ZBTB20: variants seen among roughly 807,000 people sequenced by gnomAD.
ZBTB20 encodes the protein zinc finger and BTB domain-containing protein 20.
A neutral mutation model predicts 56.9 loss-of-function variants in ZBTB20; 9 were observed. That is an observed-to-expected ratio of 0.16 (90% CI 0.10 to 0.28). The LOEUF (loss-of-function observed/expected upper bound fraction) is 0.28, where lower values mean the gene tolerates loss of function less well. ZBTB20 is among the 10% of genes least tolerant of loss of function. The pLI, the probability that ZBTB20 is intolerant of heterozygous loss-of-function variation, is 1.00. For missense variants in ZBTB20, 655 were observed against 1,003.0 expected, an observed-to-expected ratio of 0.65 and a Z score of 4.69; for synonymous variants, 417 against 420.7, an observed-to-expected ratio of 0.99 and a Z score of 0.11.
chr3:114,416,693 C>T (rs1349371236), intron 7 of ZBTB20, among the ~76,000 whole-genome samples: 1 of 152,000 alleles, frequency 6.6e-6, no homozygotes, highest in South Asian at 2.1e-4. Context: ...GGCAGCTGTC[C>T]TTACTGCACA....
rs969564299 is a variant in ZBTB20 at position 114,336,560 on chromosome 3, G to C, written c.*2445C>G. 1 of 151,980 alleles carries C rather than the reference G, an allele frequency of 6.6e-6. No individual in the cohort carries two copies. Among genetic ancestry groups the C allele is most frequent in the African/African-American group, 2.4e-5 (1 of 41,370 alleles). 9.4% of individuals were successfully genotyped at this position (151,980 alleles called of 1,614,324 possible). A position where few individuals can be genotyped will look rare whatever the true frequency, so the allele number is the denominator to read the frequency against. ...ATATCCACTGAATTAAGCACTGTGG[G>C]ACCAAATCAAACTCACAAACACTTC... is the stretch of plus-strand genomic sequence containing the variant. On this transcript the variant is annotated 3_prime_UTR_variant, in exon 12 of 12. Coordinates refer to ENST00000675478, the MANE Select transcript of ZBTB20 (RefSeq NM_001348800.3).
At chr3:114,992,238 C>G (rs1421708783) in intron 2 of ZBTB20, among the ~76,000 whole-genome samples, 1 of 151,904 alleles carries the variant, frequency 6.6e-6, no homozygotes, top group Non-Finnish European at 1.5e-5. Flanking sequence ...ATGTCAGCAA[C>G]TGAAAAATTA....
rs542233978 is a variant in ZBTB20, at chr3:114,544,140, T to G, written c.-294-43749A>C. The stretch of plus-strand genomic sequence containing the variant: ...CTGTAGTTAGACTTACTGGATTTGG[T>G]CATAAAGATAAATTAAATATAAAGC... On this transcript the variant is annotated intron_variant, in intron 6 of 11. Transcript: ENST00000675478. 4.6e-5 allele frequency among the ~76,000 whole-genome samples: 7 copies of G among 152,306 alleles called. No individual in the cohort carries two copies. The East Asian group carries it at 1.3e-3, about 29-fold the overall frequency.
intron 7 of ZBTB20, among the ~76,000 whole-genome samples, chr3:114,408,922 GCGCTCGTC>G (rs1408635057): frequency 2.0e-5 from 3 of 152,066 alleles, no homozygotes; most frequent in Admixed American, 2.0e-4. Flanking sequence ...TGGGAGAGCA[GCGCTCGTC>G]CGCCGTCCGC....
At position 114,622,612 on chromosome 3, in the gene ZBTB20, T is replaced by A. The variant is rs576498848; in HGVS notation, c.-295+70916A>T. ...GTCTCTATAGGAAACTTGGGCTATATGAGCATGTATGAGTTCTGTGGTTAA... is the reference window on the plus strand; with the variant it reads ...GTCTCTATAGGAAACTTGGGCTATAAGAGCATGTATGAGTTCTGTGGTTAA... On this transcript the variant is annotated intron_variant, in intron 6 of 11. Transcript: ENST00000675478. Among the ~76,000 whole-genome samples the A allele has an allele frequency of 5.3e-4, 81 of 152,298 alleles. 1 individual carries two copies. Among genetic ancestry groups the A allele is most frequent in the African/African-American group, 1.9e-3 (80 of 41,562 alleles).
intron 6 of ZBTB20, among the ~76,000 whole-genome samples, chr3:114,547,028 C>T (rs2049975930): frequency 6.6e-6 from 1 of 152,110 alleles, no homozygotes; most frequent in Non-Finnish European, 1.5e-5. Flanking sequence ...CATGGGGATG[C>T]ATGAGGAACC....
chr3:114,669,361 A>G (rs567152010), intron 6 of ZBTB20, among the ~76,000 whole-genome samples: 1 of 152,230 alleles, frequency 6.6e-6, no homozygotes, highest in East Asian at 1.9e-4. Flanking sequence ...TAACAGTTAA[A>G]GAAGACACCT....
intron 4 of ZBTB20, among the ~76,000 whole-genome samples, chr3:114,806,098 T>C (rs1444130940): frequency 6.6e-6 from 1 of 151,894 alleles, no homozygotes; most frequent in African/African-American, 2.4e-5. Context: ...ATATTTTTTT[T>C]CCTCTTAGAT....
At chr3:114,753,699 G>A (rs1454367148) in intron 5 of ZBTB20, among the ~76,000 whole-genome samples, 1 of 151,892 alleles carries the variant, frequency 6.6e-6, no homozygotes, top group Non-Finnish European at 1.5e-5. Flanking sequence ...CTTCCAAAGT[G>A]CTGAGATTAC....
intron 3 of ZBTB20, among the ~76,000 whole-genome samples, chr3:114,949,694 G>A (rs2076997863): frequency 6.8e-6 from 1 of 146,296 alleles, no homozygotes; most frequent in Non-Finnish European, 1.5e-5. Flanking sequence ...CTTGAACTCA[G>A]GAGGCAAATT....
At chr3:114,416,467 T>A (rs182116030) in intron 7 of ZBTB20, among the ~76,000 whole-genome samples, 1 of 152,096 alleles carries the variant, frequency 6.6e-6, no homozygotes, top group Non-Finnish European at 1.5e-5. Context: ...GGTTTTGTTT[T>A]GTTTTGGTTT....
At chr3:114,407,760 G>C (rs1013149194) in intron 7 of ZBTB20, among the ~76,000 whole-genome samples, 2 of 152,140 alleles carry the variant, frequency 1.3e-5, no homozygotes, top group Non-Finnish European at 2.9e-5. Context: ...TCTCCAAAAG[G>C]AGAAGTCAGA....
chr3:114,350,853 G>T lies in ZBTB20; in HGVS notation c.1225C>A (p.Pro409Thr), dbSNP rs530271220. The part of the protein sequence containing the change: ...ARDSQAEPTQ[P>T]EQAAEAPAEG... The stretch of plus-strand genomic sequence containing the variant: ...GCGGGGGCTTCTGCAGCCTGCTCGG[G>T]TTGGGTGGGTTCAGCCTGGCTGTCC... Residue 409 changes from proline to threonine, a missense_variant, in exon 11 of 12, where the codon CCC becomes ACC. Around this residue, in one of 10 missense-constraint regions of ZBTB20, gnomAD observed 156 missense variants for 181.0 expected, o/e 0.86. Transcript: ENST00000675478. 74 of 1,611,278 alleles carry T rather than the reference G, an allele frequency of 4.6e-5. No homozygotes were observed. In the South Asian group the frequency reaches 8.0e-4, roughly 17 times the overall value.
At chr3:114,931,379 C>A in intron 3 of ZBTB20, 1 of 242,880 alleles carries the variant, frequency 4.1e-6, no homozygotes, top group East Asian at 1.3e-4. Context: ...AACCCTAAAC[C>A]ACAACATGGC....
chr3:114,508,171 C>T (rs1390463766), intron 6 of ZBTB20, among the ~76,000 whole-genome samples: 1 of 152,088 alleles, frequency 6.6e-6, no homozygotes, highest in Non-Finnish European at 1.5e-5. Context: ...TCAAAGACAA[C>T]AGGAGAACCA....
intron 4 of ZBTB20, among the ~76,000 whole-genome samples, chr3:114,844,122 T>C (rs1288775182): frequency 6.6e-6 from 1 of 151,728 alleles, no homozygotes; most frequent in African/African-American, 2.4e-5. Context: ...TGGAATACTA[T>C]GCAGCGAAAA....
At chr3:114,781,452 T>G (rs2070092409) in intron 5 of ZBTB20, among the ~76,000 whole-genome samples, 2 of 152,222 alleles carry the variant, frequency 1.3e-5, no homozygotes, top group African/African-American at 4.8e-5. Context: ...GTTAAGGCAT[T>G]TTGTCTTTCA....
At chr3:114,495,583 T>C (rs1016807086) in intron 7 of ZBTB20, among the ~76,000 whole-genome samples, 2 of 152,128 alleles carry the variant, frequency 1.3e-5, no homozygotes, top group Admixed American at 6.5e-5. Context: ...TACATGGAAC[T>C]CACCATCTGA....
At chr3:114,639,867 A>G (rs2107904488) in intron 6 of ZBTB20, among the ~76,000 whole-genome samples, 1 of 152,176 alleles carries the variant, frequency 6.6e-6, no homozygotes, top group South Asian at 2.1e-4. Context: ...TGGATGGCAC[A>G]TAGCAATAGG....
Sources: allele counts gnomAD v4.1 joint callset (sites outside exome capture counted in the v4.1 genomes callset), GRCh38; gene constraint gnomAD v4.1.1; regional missense constraint gnomAD v4.1.1; transcripts MANE v1.5; gene names NCBI Gene and HGNC (gene_info 2026-07-23, HGNC 2026-07-21).